The following PDE4B variants were observed in gnomAD, a reference collection of about 807,000 sequenced individuals.
The protein encoded by PDE4B is 3',5'-cyclic-AMP phosphodiesterase 4B.
PDE4B carries 20 observed loss-of-function variants against 82.2 expected under a neutral mutation model. The ratio of observed to expected loss-of-function variants is 0.24; its 90% CI spans 0.17 to 0.35. The LOEUF is 0.35. Among genes scored for constraint, PDE4B ranks in the 10% least tolerant of loss-of-function variants. The probability of loss-of-function intolerance (pLI) is 1.00; values close to 1 mark genes in which losing one functional copy is unlikely to be tolerated. For synonymous variants in PDE4B, 320 were observed against 318.9 expected (o/e 1.00, Z -0.04); for missense variants, 655 against 907.2 (o/e 0.72, Z 3.57).
intron 3 of PDE4B, among the ~76,000 whole-genome samples, chr1:66,078,271 A>G (rs1401226641): frequency 6.6e-6 from 1 of 151,212 alleles, no homozygotes; most frequent in African/African-American, 2.4e-5. Context: ...ATCTCAGCTC[A>G]CTGCAACCTC....
At chr1:65,923,992 C>A (rs1647352400) in intron 3 of PDE4B, among the ~76,000 whole-genome samples, 1 of 149,908 alleles carries the variant, frequency 6.7e-6, no homozygotes, top group Non-Finnish European at 1.5e-5. Flanking sequence ...TTCCATTTCT[C>A]TTAATTTATT....
At chr1:66,152,564 A>G (rs914671778) in intron 3 of PDE4B, 1 of 276,242 alleles carries the variant, frequency 3.6e-6, no homozygotes, top group East Asian at 8.7e-5. Context: ...TAAAATATAT[A>G]TATGATTAAG....
At chr1:66,010,544 A>T (rs990658072) in intron 3 of PDE4B, among the ~76,000 whole-genome samples, 1 of 151,524 alleles carries the variant, frequency 6.6e-6, no homozygotes, top group Non-Finnish European at 1.5e-5. Context: ...ATAATATCAT[A>T]CATAATGGGC....
chr1:65,935,542 A>ATTT, intron 3 of PDE4B, among the ~76,000 whole-genome samples: 1 of 152,260 alleles, frequency 6.6e-6, no homozygotes, highest in African/African-American at 2.4e-5. Context: ...TTACAAACAA[A>ATTT]TATTTTTCTT....
At chr1:65,960,627 A>G (rs1649498152) in intron 3 of PDE4B, among the ~76,000 whole-genome samples, 1 of 152,122 alleles carries the variant, frequency 6.6e-6, no homozygotes. Flanking sequence ...GGCTAAAAAT[A>G]TATATAAAAA....
At chr1:66,220,144 A>G (rs1650855616) in intron 3 of PDE4B, among the ~76,000 whole-genome samples, 1 of 152,186 alleles carries the variant, frequency 6.6e-6, no homozygotes, top group Non-Finnish European at 1.5e-5. Context: ...GGAGGCTTGG[A>G]GGTGATCTGG....
intron 3 of PDE4B, among the ~76,000 whole-genome samples, chr1:66,203,999 T>G (rs113371117): frequency 6.6e-6 from 1 of 151,810 alleles, no homozygotes; most frequent in Non-Finnish European, 1.5e-5. Context: ...TGGTCTTTGA[T>G]GATGGTGACG....
intron 3 of PDE4B, among the ~76,000 whole-genome samples, chr1:66,202,432 A>T (rs1459508938): frequency 2.6e-5 from 4 of 152,122 alleles, no homozygotes; most frequent in Admixed American, 6.5e-5. Flanking sequence ...GATCTGTCTA[A>T]TGTTGACAGT....
At chr1:66,314,807 G>A (rs371410042) in intron 7 of PDE4B, among the ~76,000 whole-genome samples, 7 of 152,272 alleles carry the variant, frequency 4.6e-5, no homozygotes, top group East Asian at 3.9e-4. Context: ...TATGGTTACC[G>A]TTGCCTGGCT....
At chr1:66,315,927 C>G (rs1020479323) in intron 7 of PDE4B, among the ~76,000 whole-genome samples, 1 of 152,174 alleles carries the variant, frequency 6.6e-6, no homozygotes, top group African/African-American at 2.4e-5. Context: ...TGAGCCTTGG[C>G]CACGTAAACC....
At chr1:65,885,126 G>T (rs1160134453) in intron 1 of PDE4B, among the ~76,000 whole-genome samples, 2 of 152,166 alleles carry the variant, frequency 1.3e-5, no homozygotes, top group African/African-American at 4.8e-5. Context: ...ATCATCACTG[G>T]CCATCAGAGA....
At chr1:65,824,615 A>G (rs1645993210) in intron 1 of PDE4B, among the ~76,000 whole-genome samples, 1 of 121,122 alleles carries the variant, frequency 8.3e-6, no homozygotes, top group South Asian at 2.8e-4. Flanking sequence ...TCACCTACAT[A>G]TATATATACA....
intron 1 of PDE4B, among the ~76,000 whole-genome samples, chr1:65,859,633 A>G (rs1049209711): frequency 6.6e-6 from 1 of 152,194 alleles, no homozygotes; most frequent in Non-Finnish European, 1.5e-5. Flanking sequence ...AAAAAAGGAA[A>G]ATAACAAAAA....
intron 1 of PDE4B, among the ~76,000 whole-genome samples, chr1:65,840,369 G>A (rs1192399418): frequency 6.6e-6 from 1 of 152,040 alleles, no homozygotes; most frequent in Non-Finnish European, 1.5e-5. Flanking sequence ...AATTAAGCTT[G>A]ATGTACAAAA....
chr1:66,213,954 C>T (rs1194275937), intron 3 of PDE4B, among the ~76,000 whole-genome samples: 1 of 152,134 alleles, frequency 6.6e-6, no homozygotes, highest in Non-Finnish European at 1.5e-5. Context: ...TGACCAAACG[C>T]TTCTTTATAA....
At position 66,368,905 on chromosome 1, in the gene PDE4B, G is replaced by A. The variant is rs780504751; in HGVS notation, c.1781G>A (p.Arg594Gln). ...EEFFQQGDKE[R>Q]ERGMEISPMC... ...TTTTTCCAGCAGGGAGACAAAGAGC[G>A]GGAGAGGGGAATGGAAATTAGCCCA... Residue 594 changes from arginine (R) to glutamine (Q), a missense_variant, in exon 16 of 17, where the codon CGG (arginine) becomes CAG (glutamine). Around this residue, in one of 3 missense-constraint regions of PDE4B, gnomAD observed 283 missense variants for 516.4 expected, o/e 0.55. Transcript: ENST00000341517. The A allele has an allele frequency of 6.2e-6, 10 of 1,613,562 alleles. No homozygotes were observed. Among genetic ancestry groups the A allele is most frequent in the South Asian group, 2.2e-5 (2 of 91,010 alleles).
intron 3 of PDE4B, among the ~76,000 whole-genome samples, chr1:65,991,849 A>G (rs1441891720): frequency 1.3e-5 from 2 of 152,178 alleles, no homozygotes; most frequent in East Asian, 3.9e-4. Flanking sequence ...AAACACATGC[A>G]TAGTGCTTGA....
intron 3 of PDE4B, among the ~76,000 whole-genome samples, chr1:66,222,721 G>A (rs1651094837): frequency 6.6e-6 from 1 of 152,134 alleles, no homozygotes. Flanking sequence ...CTTGTGAATT[G>A]TTGTAAGAAT....
intron 3 of PDE4B, among the ~76,000 whole-genome samples, chr1:66,184,683 G>A (rs1647143040): frequency 6.6e-6 from 1 of 152,040 alleles, no homozygotes; most frequent in Admixed American, 6.6e-5. Flanking sequence ...ATATAACGAG[G>A]TGTAGAAGCA....
Sources: allele counts gnomAD v4.1 joint callset (sites outside exome capture counted in the v4.1 genomes callset), GRCh38; gene constraint gnomAD v4.1.1; regional missense constraint gnomAD v4.1.1; transcripts MANE v1.5; gene names NCBI Gene and HGNC (gene_info 2026-07-23, HGNC 2026-07-21).